Variants in ZNF564 observed in about 807,000 individuals in gnomAD.
ZNF564 encodes zinc finger protein 564.
ZNF564 carries 5 observed loss-of-function variants against 10.5 expected under a neutral mutation model. That is an observed-to-expected ratio of 0.48 (90% CI 0.25 to 1.00). The LOEUF is 1.00. Ranked by LOEUF, ZNF564 falls within the 50% of genes least tolerant of loss-of-function variation. The pLI is 0.16. For missense variants in ZNF564, 603 were observed against 669.7 expected (o/e 0.90, Z 1.10); for synonymous variants, 242 against 218.1 (o/e 1.11, Z -0.97).
At chr19:12,545,751 C>T (rs367709796) in intron 1 of ZNF564, among the ~76,000 whole-genome samples, 3 of 152,054 alleles carry the variant, frequency 2.0e-5, no homozygotes, top group East Asian at 1.9e-4. Flanking sequence ...ATATAGGCAA[C>T]GCTCCTCATC....
At chr19:12,534,686 T>C (rs950890699) in intron 1 of ZNF564, among the ~76,000 whole-genome samples, 1 of 151,960 alleles carries the variant, frequency 6.6e-6, no homozygotes, top group African/African-American at 2.4e-5. Flanking sequence ...TGGTGGCACA[T>C]GCATGTAATC....
At position 12,527,206 on chromosome 19, in the gene ZNF564, A is replaced by C; in HGVS notation, c.902T>G (p.Ile301Ser). 6.2e-7 allele frequency: 1 copy of C among 1,614,198 alleles called. No individual in the cohort carries two copies. The highest frequency in any genetic ancestry group is 8.5e-7 in the Non-Finnish European group (1 of 1,180,040). Residue 301 changes from isoleucine to serine, a missense_variant, in exon 4 of 4, where the codon ATT (isoleucine) becomes AGT (serine). By Grantham distance (142) the Ile-to-Ser change is moderately radical. Coordinates refer to ENST00000339282, the MANE Select transcript of ZNF564 (RefSeq NM_144976.4). ...ISFTNFQSHM[I>S]RHTGDGPYKC... is the part of the protein sequence containing the mutation. Reference sequence around the variant, plus strand: ...ATAAGGTCCATCCCCAGTGTGCCTAATCATATGACTTTGAAAATTTGTGAA... The same window carrying C: ...ATAAGGTCCATCCCCAGTGTGCCTACTCATATGACTTTGAAAATTTGTGAA...
intron 1 of ZNF564, among the ~76,000 whole-genome samples, chr19:12,539,903 T>C (rs1599283865): frequency 7.2e-6 from 1 of 138,420 alleles, no homozygotes; most frequent in African/African-American, 2.7e-5. Flanking sequence ...TTGGCGTGAA[T>C]CTGGGAGGCG....
At chr19:12,540,390 GA>G (rs747546725) in intron 1 of ZNF564, among the ~76,000 whole-genome samples, 1 of 152,134 alleles carries the variant, frequency 6.6e-6, no homozygotes, top group Non-Finnish European at 1.5e-5. Context: ...AGTGTACTCC[GA>G]ATTTTGAGCA....
intron 1 of ZNF564, 98 bp downstream of exon 1, chr19:12,551,232 A>T: frequency 7.3e-7 from 1 of 1,371,164 alleles, no homozygotes; most frequent in Non-Finnish European, 1.0e-6. Context: ...CAGACCCTGG[A>T]GTCGCTGCAG....
intron 1 of ZNF564, among the ~76,000 whole-genome samples, chr19:12,541,780 CCGAGGCAGGCGGATCACATGG>C (rs1276548372): frequency 2.9e-4 from 44 of 150,932 alleles, no homozygotes; most frequent in Middle Eastern, 3.7e-3. Context: ...CTTTGGGAGG[CCGAGGCAGGCGGATCACATGG>C]TCAGGAGATC....
chr19:12,534,497 A>G (rs1218381141), intron 1 of ZNF564, among the ~76,000 whole-genome samples: 1 of 152,182 alleles, frequency 6.6e-6, no homozygotes, highest in Non-Finnish European at 1.5e-5. Context: ...CCTATTTTGG[A>G]AGATGGTCAG....
intron 1 of ZNF564, among the ~76,000 whole-genome samples, chr19:12,546,815 C>A (rs936321993): frequency 3.3e-5 from 5 of 152,164 alleles, no homozygotes; most frequent in African/African-American, 7.2e-5. Context: ...CTTCACTGAT[C>A]AGTCAAAACA....
intron 1 of ZNF564, chr19:12,548,264 C>T: frequency 1.2e-6 from 1 of 853,838 alleles, no homozygotes; most frequent in Non-Finnish European, 1.4e-6. Flanking sequence ...GTCGCCCAGG[C>T]TGGAGTCCAG....
At chr19:12,537,322 GTA>G (rs2021935350) in intron 1 of ZNF564, among the ~76,000 whole-genome samples, 1 of 152,120 alleles carries the variant, frequency 6.6e-6, no homozygotes, top group Non-Finnish European at 1.5e-5. Flanking sequence ...TACTGAACAT[GTA>G]CAGACTTTTT....
chr19:12,527,992 C>T, intron 3 of ZNF564, 76 bp from the exon 4 acceptor site: 1 of 1,460,496 alleles, frequency 6.8e-7, no homozygotes, highest in East Asian at 2.3e-5. Context: ...TACATTTTTA[C>T]CATAATCGCG....
At chr19:12,542,050 G>C (rs888365153) in intron 1 of ZNF564, among the ~76,000 whole-genome samples, 5 of 120,546 alleles carry the variant, frequency 4.1e-5, no homozygotes, top group African/African-American at 1.6e-4. Context: ...GCTATTTCTT[G>C]GCAGGGCATG....
intron 1 of ZNF564, among the ~76,000 whole-genome samples, chr19:12,538,251 G>A (rs2021957548): frequency 6.6e-6 from 1 of 151,930 alleles, no homozygotes; most frequent in Non-Finnish European, 1.5e-5. Flanking sequence ...CACTTTAGGA[G>A]GCAAAGACAG....
At chr19:12,550,364 A>G (rs2861412) in intron 1 of ZNF564, 16,494 of 147,244 alleles carry the variant, frequency 0.11, 931 homozygotes, top group Admixed American at 0.18. Context: ...TTACAAGTAC[A>G]CAAACAAGAG....
In ZNF564 at chr19:12,526,393, T is replaced by C; in HGVS notation, c.*53A>G. Reference sequence around the variant, plus strand: ...CAAGTCTGAAACCCAGAAAGCAAACTGAAGACTTTCCATATTCTTTAGATA... The same window carrying C: ...CAAGTCTGAAACCCAGAAAGCAAACCGAAGACTTTCCATATTCTTTAGATA... On this transcript the variant is annotated 3_prime_UTR_variant, in exon 4 of 4. Coordinates refer to ENST00000339282, the MANE Select transcript of ZNF564 (RefSeq NM_144976.4). 1.3e-6 allele frequency: 2 copies of C among 1,510,906 alleles called. No homozygotes were observed. Among genetic ancestry groups the C allele is most frequent in the Non-Finnish European group, 1.8e-6 (2 of 1,132,388 alleles). 93.6% of individuals were successfully genotyped at this position (1,510,906 alleles called of 1,614,324 possible).
At chr19:12,539,258 A>T (rs1048010998) in intron 1 of ZNF564, among the ~76,000 whole-genome samples, 3 of 151,478 alleles carry the variant, frequency 2.0e-5, no homozygotes, top group East Asian at 1.9e-4. Context: ...AAAAAAAAAA[A>T]ATAGGGGAGG....
At position 12,528,022 on chromosome 19, in the gene ZNF564, C is replaced by A. The variant is rs910603540; in HGVS notation, c.192-106G>T. On this transcript the variant is annotated intron_variant, in intron 3 of 3. Coordinates refer to ENST00000339282, the MANE Select transcript of ZNF564 (RefSeq NM_144976.4). ...ATCGCGGAAAGGGTAAGTTTTCAGG[C>A]CTGTATGAATTGTTTGAAAGTGAAT... The A allele has an allele frequency of 1.1e-5, 14 of 1,281,746 alleles. No individual in the cohort carries two copies. The Admixed American group carries it at 1.4e-4, about 13-fold the overall frequency. The allele number at this position is 1,281,746 out of a possible 1,614,324, so 79.4% of individuals were successfully genotyped here. A position where few individuals can be genotyped will look rare whatever the true frequency, so the allele number is the denominator to read the frequency against.
chr19:12,530,764 T>C (rs2021784182), intron 1 of ZNF564, among the ~76,000 whole-genome samples: 1 of 152,268 alleles, frequency 6.6e-6, no homozygotes, highest in South Asian at 2.1e-4. Flanking sequence ...AGGGGAAAGA[T>C]GGGTTCTTTT....
chr19:12,530,321 C>T (rs1735417614), intron 1 of ZNF564: 1 of 152,146 alleles, frequency 6.6e-6, no homozygotes, highest in Admixed American at 6.6e-5. Context: ...TTTCACTAGG[C>T]TAGGAAGCTA....
Sources: allele counts gnomAD v4.1 joint callset (sites outside exome capture counted in the v4.1 genomes callset), GRCh38; gene constraint gnomAD v4.1.1; transcripts MANE v1.5; gene names NCBI Gene and HGNC (gene_info 2026-07-23, HGNC 2026-07-21).